The following FHOD3 variants were observed in gnomAD, a reference collection of about 807,000 sequenced individuals.
The protein encoded by FHOD3 is FH1/FH2 domain-containing protein 3.
In FHOD3, 90 loss-of-function variants were observed where a neutral mutation model predicts 173.0. The ratio of observed to expected loss-of-function variants is 0.52; its 90% CI spans 0.44 to 0.62. FHOD3 has a LOEUF of 0.62. FHOD3 is among the 20% of genes least tolerant of loss of function. FHOD3 has a pLI of 0.00. For synonymous variants in FHOD3, 828 were observed against 823.0 expected, an observed-to-expected ratio of 1.01 and a Z score of -0.10; for missense variants, 1,945 against 2,034.7, an observed-to-expected ratio of 0.96 and a Z score of 0.85.
intron 8 of FHOD3, 84 bp downstream of exon 8, chr18:36,602,852 C>A (rs764690387): frequency 9.5e-7 from 1 of 1,055,114 alleles, no homozygotes; most frequent in Non-Finnish European, 1.5e-6. Context: ...TGCTTGTGGG[C>A]TTATTTGGAA....
chr18:36,753,356 A>G (rs932939495), intron 24 of FHOD3, among the ~76,000 whole-genome samples: 1 of 152,160 alleles, frequency 6.6e-6, no homozygotes, highest in Non-Finnish European at 1.5e-5. Flanking sequence ...GTCACAAGAG[A>G]TGAAGTCAGA....
chr18:36,730,374 T>C (rs1192709445), intron 19 of FHOD3, among the ~76,000 whole-genome samples: 4 of 152,214 alleles, frequency 2.6e-5, no homozygotes, highest in African/African-American at 9.6e-5. Flanking sequence ...TTTTTTTTTC[T>C]TGCAAAATAT....
chr18:36,422,226 C>A (rs1314655474), intron 3 of FHOD3, among the ~76,000 whole-genome samples: 1 of 152,100 alleles, frequency 6.6e-6, no homozygotes, highest in Non-Finnish European at 1.5e-5. Flanking sequence ...GTAATTTACT[C>A]CCTTTTAAAA....
chr18:36,461,988 A>G (rs1057256095), intron 3 of FHOD3, among the ~76,000 whole-genome samples: 3 of 152,254 alleles, frequency 2.0e-5, no homozygotes, highest in African/African-American at 7.2e-5. Flanking sequence ...GATAACTTTC[A>G]GGTCTAAGAA....
At position 36,602,887 on chromosome 18, in the gene FHOD3, G is replaced by T; in HGVS notation, c.813+119G>T. 4.0e-6 allele frequency: 3 copies of T among 757,430 alleles called. No homozygotes were observed. The South Asian group carries it at 4.9e-5, about 12-fold the overall frequency. 46.9% of individuals were successfully genotyped at this position (757,430 alleles called of 1,614,324 possible). The stretch of plus-strand genomic sequence containing the variant: ...AATAGTGTCGTAGCAGATATAATCT[G>T]GTTGTGAGGGTGGGCTCTGATGCAG... On this transcript the variant is annotated intron_variant, in intron 8 of 28. Coordinates refer to ENST00000590592, the MANE Select transcript of FHOD3 (RefSeq NM_001281740.3).
Position 36,742,732 on chromosome 18 carries a change from G to T in FHOD3, c.3760-5G>T. ...TTTATTGTCTAATTTTTTTTTAACTGAAAGGAAGTAGCAGAACCACTCCTG... is the reference window on the plus strand; with the variant it reads ...TTTATTGTCTAATTTTTTTTTAACTTAAAGGAAGTAGCAGAACCACTCCTG... On this transcript the variant is annotated splice_polypyrimidine_tract_variant and splice_region_variant and intron_variant, in intron 21 of 28. Transcript: ENST00000590592. The T allele has an allele frequency of 1.3e-6, 2 of 1,596,876 alleles. No homozygotes were observed. Among genetic ancestry groups the T allele is most frequent in the Non-Finnish European group, 1.7e-6 (2 of 1,175,580 alleles).
intron 1 of FHOD3, among the ~76,000 whole-genome samples, chr18:36,318,656 A>G (rs1342437745): frequency 6.6e-6 from 1 of 152,222 alleles, no homozygotes; most frequent in South Asian, 2.1e-4. Flanking sequence ...TAAATATACA[A>G]TCATGTCATC....
At chr18:36,420,080 T>C (rs1265381686) in intron 3 of FHOD3, among the ~76,000 whole-genome samples, 3 of 152,242 alleles carry the variant, frequency 2.0e-5, no homozygotes, top group African/African-American at 7.2e-5. Context: ...TTTATGAAGC[T>C]GAGCTTCTCT....
chr18:36,599,898 A>T (rs970501401), intron 7 of FHOD3, among the ~76,000 whole-genome samples: 6 of 148,776 alleles, frequency 4.0e-5, no homozygotes, highest in Non-Finnish European at 8.9e-5. Flanking sequence ...ATATTTGAGT[A>T]TCAATTGTGT....
At chr18:36,558,015 G>T (rs2147550423) in intron 5 of FHOD3, among the ~76,000 whole-genome samples, 1 of 152,306 alleles carries the variant, frequency 6.6e-6, no homozygotes, top group Admixed American at 6.5e-5. Context: ...TTGTCTGGCT[G>T]GTGGGAATAG....
At chr18:36,679,586 C>CT (rs1047537836) in intron 14 of FHOD3, among the ~76,000 whole-genome samples, 2 of 151,944 alleles carry the variant, frequency 1.3e-5, no homozygotes, top group Admixed American at 6.6e-5. Context: ...TCATATTCAG[C>CT]TTTTTCATTA....
chr18:36,357,643 C>G (rs1333916290), intron 2 of FHOD3, among the ~76,000 whole-genome samples: 1 of 152,192 alleles, frequency 6.6e-6, no homozygotes, highest in Non-Finnish European at 1.5e-5. Flanking sequence ...CACTATTAGG[C>G]TGATAGACTT....
At chr18:36,395,079 T>A (rs1194546127) in intron 3 of FHOD3, among the ~76,000 whole-genome samples, 1 of 152,086 alleles carries the variant, frequency 6.6e-6, no homozygotes, top group Non-Finnish European at 1.5e-5. Context: ...CCCACTTAAA[T>A]TTATATCACA....
At chr18:36,402,941 G>A (rs951206500) in intron 3 of FHOD3, among the ~76,000 whole-genome samples, 2 of 152,220 alleles carry the variant, frequency 1.3e-5, no homozygotes, top group East Asian at 1.9e-4. Context: ...CAACGGTGAC[G>A]CAAGTTAGAC....
chr18:36,441,272 C>T (rs1478560830), intron 3 of FHOD3, among the ~76,000 whole-genome samples: 1 of 152,178 alleles, frequency 6.6e-6, no homozygotes, highest in Non-Finnish European at 1.5e-5. Context: ...TGAGGACCTG[C>T]ATGAGCCAGG....
chr18:36,699,089 A>G (rs1435427883), intron 17 of FHOD3, among the ~76,000 whole-genome samples: 2 of 152,200 alleles, frequency 1.3e-5, no homozygotes, highest in Non-Finnish European at 2.9e-5. Flanking sequence ...CTATGCACAC[A>G]TCCTTAGAAA....
intron 9 of FHOD3, among the ~76,000 whole-genome samples, chr18:36,618,539 C>T (rs1471442774): frequency 1.3e-5 from 2 of 152,044 alleles, no homozygotes; most frequent in African/African-American, 2.4e-5. Context: ...CTGGAACTCC[C>T]AACCTCAGGT....
At chr18:36,320,914 A>G (rs564148530) in intron 1 of FHOD3, among the ~76,000 whole-genome samples, 1 of 152,328 alleles carries the variant, frequency 6.6e-6, no homozygotes, top group Non-Finnish European at 1.5e-5. Flanking sequence ...CTTAGGTTGA[A>G]GTGGGAGAGA....
At chr18:36,563,784 A>G (rs2058170828) in intron 5 of FHOD3, among the ~76,000 whole-genome samples, 1 of 152,094 alleles carries the variant, frequency 6.6e-6, no homozygotes, top group African/African-American at 2.4e-5. Context: ...TCCCAGCTAC[A>G]TGTGCCCCAT....
Sources: gnomAD v4.1 joint callset for allele counts (sites outside exome capture counted in the v4.1 genomes callset) on GRCh38, gnomAD v4.1.1 for gene constraint, MANE v1.5 for transcripts, NCBI Gene and HGNC (gene_info 2026-07-23, HGNC 2026-07-21) for gene names.